SCN3A: variants seen among roughly 807,000 people sequenced by gnomAD.
The protein encoded by SCN3A is sodium voltage-gated channel alpha subunit 3.
In SCN3A, 60 loss-of-function variants were observed where a neutral mutation model predicts 187.6. That is an observed-to-expected ratio of 0.32 (90% CI 0.26 to 0.40). SCN3A has a LOEUF of 0.40. Among genes scored for constraint, SCN3A ranks in the 10% least tolerant of loss-of-function variants. The pLI is 1.00. For synonymous variants in SCN3A, 788 were observed against 829.2 expected (o/e 0.95, Z 0.85); for missense variants, 1,601 against 2,428.2 (o/e 0.66, Z 7.16).
intron 9 of SCN3A, among the ~76,000 whole-genome samples, chr2:165,161,107 C>CTTCTT (rs1441515606): frequency 9.1e-6 from 1 of 110,486 alleles, no homozygotes; most frequent in African/African-American, 3.1e-5. Context: ...TTTTTTTCTT[C>CTTCTT]TTCTTTTCTT....
intron 18 of SCN3A, among the ~76,000 whole-genome samples, chr2:165,126,912 T>C (rs189513996): frequency 2.6e-5 from 4 of 152,246 alleles, no homozygotes; most frequent in South Asian, 2.1e-4. Context: ...AATAAGACTT[T>C]CAGAGGTTAA....
intron 2 of SCN3A, among the ~76,000 whole-genome samples, chr2:165,182,409 A>G (rs1450944209): frequency 6.6e-6 from 1 of 152,200 alleles, no homozygotes; most frequent in Non-Finnish European, 1.5e-5. Flanking sequence ...ATCATAGTTC[A>G]TACTTTATAG....
At chr2:165,106,306 A>G (rs977792443) in intron 21 of SCN3A, among the ~76,000 whole-genome samples, 9 of 152,204 alleles carry the variant, frequency 5.9e-5, no homozygotes, top group Admixed American at 4.6e-4. Context: ...CAATTTAAAG[A>G]TGATTAAATC....
At chr2:165,180,296 C>A (rs1690761666) in intron 2 of SCN3A, among the ~76,000 whole-genome samples, 1 of 152,208 alleles carries the variant, frequency 6.6e-6, no homozygotes, top group Non-Finnish European at 1.5e-5. Flanking sequence ...AACCCATGGT[C>A]ACTTCCCTGG....
rs781276318 is a variant in SCN3A, at chr2:165,129,932, A to G, written c.2922+8T>C. On this transcript the variant is annotated splice_region_variant and intron_variant, in intron 17 of 27. Transcript: ENST00000283254. ...TCTAATTTATGAGCATTTGTACTAC[A>G]TACATACCACAAGGTTTCCAATGAC... 6.2e-7 allele frequency: 1 copy of G among 1,613,910 alleles called. No individual in the cohort carries two copies.
chr2:165,160,377 C>T (rs2105882075), intron 9 of SCN3A, among the ~76,000 whole-genome samples: 1 of 152,224 alleles, frequency 6.6e-6, no homozygotes. Flanking sequence ...CCACCACCAC[C>T]CTTGGTCGGT....
intron 11 of SCN3A, among the ~76,000 whole-genome samples, chr2:165,152,096 A>G (rs575456206): frequency 6.6e-6 from 1 of 152,328 alleles, no homozygotes; most frequent in East Asian, 1.9e-4. Flanking sequence ...TGGGAATACA[A>G]AAATATCCAG....
In SCN3A at chr2:165,131,380, T is replaced by C. The variant is rs1176871120; in HGVS notation, c.2429A>G (p.Lys810Arg). Residue 810 changes from lysine (K) to arginine (R), a missense_variant, in exon 16 of 28, where the codon AAG (lysine) becomes AGG (arginine). Around this residue, in one of 11 missense-constraint regions of SCN3A, gnomAD observed 376 missense variants for 476.0 expected, o/e 0.79. Transcript: ENST00000283254. ...TGIFTAEMVL[K>R]IIAMDPYYYF... ...GTAATAAGGATCCATGGCAATGATC[T>C]TGAGAACCATTTCTGCTGTGAAAAT... is the stretch of plus-strand genomic sequence containing the variant. The C allele has an allele frequency of 1.9e-6, 3 of 1,605,322 alleles. No individual in the cohort carries two copies. The highest frequency in any genetic ancestry group is 2.2e-5 in the East Asian group (1 of 44,498).
chr2:165,130,733 A>G (rs1045021834), intron 16 of SCN3A, among the ~76,000 whole-genome samples: 1 of 152,132 alleles, frequency 6.6e-6, no homozygotes, highest in African/African-American at 2.4e-5. Flanking sequence ...ATGTACAGGA[A>G]AAAAATTGAA....
At chr2:165,141,567 C>G (rs1688016100) in intron 12 of SCN3A, among the ~76,000 whole-genome samples, 1 of 152,132 alleles carries the variant, frequency 6.6e-6, no homozygotes, top group Admixed American at 6.5e-5. Flanking sequence ...GTAGTTTACT[C>G]TTTCTCTGAA....
intron 14 of SCN3A, 130 bp downstream of exon 14, chr2:165,139,346 A>G: frequency 1.6e-6 from 2 of 1,233,798 alleles, no homozygotes; most frequent in Admixed American, 3.6e-5. Flanking sequence ...TGTACTCCAT[A>G]TATCACATTC....
intron 3 of SCN3A, among the ~76,000 whole-genome samples, chr2:165,174,494 G>A (rs1234162902): frequency 6.6e-6 from 1 of 152,150 alleles, no homozygotes; most frequent in Non-Finnish European, 1.5e-5. Context: ...TGTCTCCCTT[G>A]GAAAATAGTA....
rs5836018 is a variant in SCN3A at position 165,146,382 on chromosome 2, ATGTGTG to A, written c.1671+351_1671+356del. Among the ~76,000 whole-genome samples the A allele has an allele frequency of 5.2e-3, 560 of 107,858 alleles. 4 individuals carry two copies. The highest frequency in any genetic ancestry group is 0.014 in the African/African-American group (426 of 31,332). The allele number at this position is 107,858 out of a possible 152,430, so 70.8% of individuals were successfully genotyped here. A position where few individuals can be genotyped will look rare whatever the true frequency, so the allele number is the denominator to read the frequency against. ...GCTAGTGTAGGTTATATATATATATATGTGTGTGTGTGTGTGTGTGTGTGTGTGTGT... is the reference window on the plus strand; with the variant it reads ...GCTAGTGTAGGTTATATATATATATATGTGTGTGTGTGTGTGTGTGTGTGT... On this transcript the variant is annotated intron_variant, in intron 12 of 27. Transcript: ENST00000283254.
intron 21 of SCN3A, among the ~76,000 whole-genome samples, chr2:165,107,087 A>G (rs1294386845): frequency 2.0e-5 from 3 of 152,214 alleles, no homozygotes; most frequent in African/African-American, 7.2e-5. Flanking sequence ...GAAGAAATGC[A>G]TGACTTAGAG....
At chr2:165,124,707 C>T (rs949327987) in intron 18 of SCN3A, among the ~76,000 whole-genome samples, 8 of 152,052 alleles carry the variant, frequency 5.3e-5, no homozygotes, top group African/African-American at 1.9e-4. Context: ...TTTTAAAGAC[C>T]ATTTCAGAAA....
At chr2:165,094,278 G>T in intron 26 of SCN3A, 96 bp downstream of exon 26, 2 of 889,828 alleles carry the variant, frequency 2.2e-6, no homozygotes, top group Non-Finnish European at 3.8e-6. Flanking sequence ...CTCAATATTG[G>T]TGATATCACC....
chr2:165,176,544 A>T, intron 2 of SCN3A, 100 bp from the exon 3 acceptor site: 1 of 879,490 alleles, frequency 1.1e-6, no homozygotes, highest in South Asian at 1.5e-5. Context: ...TTAAAGCTAT[A>T]AACATTAAGT....
At chr2:165,115,646 CATT>C (rs1686335452) in intron 18 of SCN3A, 71 bp from the exon 19 acceptor site, 1 of 1,445,872 alleles carries the variant, frequency 6.9e-7, no homozygotes, top group African/African-American at 1.4e-5. Context: ...AATACTGTGT[CATT>C]GTGTGAAAAA....
rs777462985 is a variant in SCN3A, at chr2:165,091,243, C to T, written c.4910G>A (p.Gly1637Glu). 4 of 1,614,056 alleles carry T rather than the reference C, an allele frequency of 2.5e-6. No homozygotes were observed. The highest frequency in any genetic ancestry group is 3.4e-6 in the Non-Finnish European group (4 of 1,179,950). The stretch of plus-strand genomic sequence containing the variant: ...GAGCAGCGTGCGGATCCCCTTTGCT[C>T]CTTTGATCAGACGTAGGATTCGGCC... ...RIGRILRLIKGAKGIRTLLFA... is the reference protein window; with the variant it reads ...RIGRILRLIKEAKGIRTLLFA... Residue 1637 changes from glycine (G) to glutamate (E), a missense_variant, in exon 28 of 28, where the codon GGA (glycine) becomes GAA (glutamate). Gly to Glu is a moderately conservative substitution (Grantham distance 98). Around this residue, in one of 11 missense-constraint regions of SCN3A, gnomAD observed 320 missense variants for 623.2 expected, o/e 0.51. Coordinates refer to ENST00000283254, the MANE Select transcript of SCN3A (RefSeq NM_006922.4).
Sources: gnomAD v4.1 joint callset for allele counts (sites outside exome capture counted in the v4.1 genomes callset) on GRCh38, gnomAD v4.1.1 for gene constraint, gnomAD v4.1.1 regional missense constraint, MANE v1.5 for transcripts, NCBI Gene and HGNC (gene_info 2026-07-23, HGNC 2026-07-21) for gene names.